Variants in NKAIN2 observed in about 807,000 individuals in gnomAD.
NKAIN2 encodes the protein sodium/potassium transporting ATPase interacting 2, also known as sodium/potassium-transporting ATPase subunit beta-1-interacting protein 2.
In NKAIN2, 14 loss-of-function variants were observed where a neutral mutation model predicts 32.6. That is an observed-to-expected ratio of 0.43 (90% CI 0.28 to 0.67). The LOEUF is 0.67. Ranked by LOEUF, NKAIN2 falls within the 30% of genes least tolerant of loss-of-function variation. The probability of loss-of-function intolerance (pLI) is 0.17; values close to 1 mark genes in which losing one functional copy is unlikely to be tolerated. For missense variants in NKAIN2, 198 were observed against 258.3 expected (o/e 0.77, Z 1.60); for synonymous variants, 80 against 87.2 (o/e 0.92, Z 0.46).
chr6:124,374,841 A>C (rs1799914054), intron 3 of NKAIN2, among the ~76,000 whole-genome samples: 1 of 152,252 alleles, frequency 6.6e-6, no homozygotes, highest in African/African-American at 2.4e-5. Context: ...TTTTAAGATC[A>C]GAAAATTAGT....
chr6:124,392,918 A>G (rs1773206949), intron 3 of NKAIN2, among the ~76,000 whole-genome samples: 1 of 151,946 alleles, frequency 6.6e-6, no homozygotes, highest in Admixed American at 6.6e-5. Flanking sequence ...GCTACTTGGC[A>G]CCCTTGAGCC....
chr6:124,559,832 C>T (rs993359859), intron 3 of NKAIN2, among the ~76,000 whole-genome samples: 4 of 102,408 alleles, frequency 3.9e-5, no homozygotes, highest in Non-Finnish European at 7.6e-5. Flanking sequence ...AAGAAATAAA[C>T]CATTTTTTTT....
intron 1 of NKAIN2, among the ~76,000 whole-genome samples, chr6:123,986,089 C>T (rs1050919151): frequency 1.3e-5 from 2 of 151,896 alleles, no homozygotes; most frequent in Middle Eastern, 3.4e-3. Context: ...TAAAAACTAG[C>T]TAAAATTCTA....
Position 124,182,073 on chromosome 6 carries a change from G to A in NKAIN2, c.55-100932G>A, listed in dbSNP as rs140192217. 5.1e-3 allele frequency among the ~76,000 whole-genome samples: 783 copies of A among 152,268 alleles called. 8 individuals carry two copies. Among genetic ancestry groups the A allele is most frequent in the African/African-American group, 0.018 (746 of 41,558 alleles). On this transcript the variant is annotated intron_variant, in intron 1 of 6. Transcript: ENST00000368417. The stretch of plus-strand genomic sequence containing the variant: ...GTCTCACAGGCTAGGGAGACCTCAC[G>A]ATCATGGTGGAAGGCAAAGGAGGAG...
At chr6:124,668,568 A>G (rs535851258) in intron 4 of NKAIN2, among the ~76,000 whole-genome samples, 1 of 152,114 alleles carries the variant, frequency 6.6e-6, no homozygotes, top group Non-Finnish European at 1.5e-5. Flanking sequence ...TTAATGTCTT[A>G]GTTTTTCAAC....
At chr6:124,627,570 A>T (rs1350720432) in intron 3 of NKAIN2, among the ~76,000 whole-genome samples, 1 of 152,078 alleles carries the variant, frequency 6.6e-6, no homozygotes, top group East Asian at 1.9e-4. Flanking sequence ...ATGAAATGAG[A>T]TGTCTATGAA....
At chr6:124,442,972 A>C (rs528428885) in intron 3 of NKAIN2, among the ~76,000 whole-genome samples, 16 of 152,224 alleles carry the variant, frequency 1.1e-4, no homozygotes, top group African/African-American at 3.9e-4. Context: ...ACAGCCCTTC[A>C]TGTCATGCGG....
At chr6:124,720,198 C>T (rs1296223993) in intron 4 of NKAIN2, among the ~76,000 whole-genome samples, 1 of 152,174 alleles carries the variant, frequency 6.6e-6, no homozygotes, top group Non-Finnish European at 1.5e-5. Flanking sequence ...TTAAGCAACA[C>T]AAAGACCATA....
At chr6:124,253,962 C>T (rs1289921238) in intron 1 of NKAIN2, among the ~76,000 whole-genome samples, 1 of 151,892 alleles carries the variant, frequency 6.6e-6, no homozygotes, top group Non-Finnish European at 1.5e-5. Context: ...GGATTACAGG[C>T]ATGCACCACC....
intron 1 of NKAIN2, among the ~76,000 whole-genome samples, chr6:123,978,364 A>G (rs1778738589): frequency 6.6e-6 from 1 of 152,196 alleles, no homozygotes; most frequent in Non-Finnish European, 1.5e-5. Flanking sequence ...CTATAAAGAC[A>G]TGGAAGTTTG....
intron 3 of NKAIN2, among the ~76,000 whole-genome samples, chr6:124,457,881 A>T (rs1776383431): frequency 1.3e-5 from 2 of 151,860 alleles, no homozygotes; most frequent in African/African-American, 4.8e-5. Context: ...TTAGTTTTAG[A>T]GGCATATCTA....
At chr6:124,081,461 C>G (rs1353431108) in intron 1 of NKAIN2, among the ~76,000 whole-genome samples, 1 of 151,984 alleles carries the variant, frequency 6.6e-6, no homozygotes, top group East Asian at 1.9e-4. Flanking sequence ...TCTGTTTCTC[C>G]TCTTTACTAG....
intron 3 of NKAIN2, among the ~76,000 whole-genome samples, chr6:124,365,237 T>A (rs1799472112): frequency 6.6e-6 from 1 of 151,824 alleles, no homozygotes; most frequent in African/African-American, 2.4e-5. Flanking sequence ...ATTAAAAGGC[T>A]AAGATTGTTG....
chr6:124,402,827 A>G (rs1773684745), intron 3 of NKAIN2, among the ~76,000 whole-genome samples: 1 of 152,198 alleles, frequency 6.6e-6, no homozygotes, highest in Non-Finnish European at 1.5e-5. Context: ...AGGAAGGTAA[A>G]GGTGGAAAAA....
chr6:124,487,043 C>G (rs1549355), intron 3 of NKAIN2, among the ~76,000 whole-genome samples: 6 of 151,986 alleles, frequency 3.9e-5, no homozygotes, highest in African/African-American at 1.4e-4. Flanking sequence ...GTGTCTCACC[C>G]TAACCTGGGA....
chr6:124,572,126 TC>T (rs112817314), intron 3 of NKAIN2, among the ~76,000 whole-genome samples: 8 of 152,176 alleles, frequency 5.3e-5, no homozygotes, highest in African/African-American at 1.7e-4. Flanking sequence ...GGCCTTAATA[TC>T]CCAGTTCATG....
chr6:124,056,434 GA>G (rs901991325), intron 1 of NKAIN2, among the ~76,000 whole-genome samples: 1 of 149,038 alleles, frequency 6.7e-6, no homozygotes, highest in Non-Finnish European at 1.5e-5. Flanking sequence ...TAGCCAAAAA[GA>G]AAAAAAAAGA....
At chr6:124,314,893 G>A (rs72963874) in intron 2 of NKAIN2, among the ~76,000 whole-genome samples, 5,687 of 152,078 alleles carry the variant, frequency 0.037, 104 homozygotes, top group Non-Finnish European at 0.042. Flanking sequence ...TTGAACATAC[G>A]TTAACCAAGG....
At chr6:123,847,005 A>G (rs1461196415) in intron 1 of NKAIN2, among the ~76,000 whole-genome samples, 1 of 152,214 alleles carries the variant, frequency 6.6e-6, no homozygotes, top group Non-Finnish European at 1.5e-5. Context: ...GAGCAGAGGA[A>G]AATTGTTGAC....
Sources: allele counts gnomAD v4.1 joint callset (sites outside exome capture counted in the v4.1 genomes callset), GRCh38; gene constraint gnomAD v4.1.1; transcripts MANE v1.5; gene names NCBI Gene and HGNC (gene_info 2026-07-23, HGNC 2026-07-21).